The following ARID5A variants were observed in gnomAD, a reference collection of about 807,000 sequenced individuals.
ARID5A encodes AT-rich interaction domain 5A, also known as AT-rich interactive domain-containing protein 5A.
A neutral mutation model predicts 30.5 loss-of-function variants in ARID5A; 14 were observed. The ratio of observed to expected loss-of-function variants is 0.46; its 90% CI spans 0.30 to 0.72. The LOEUF is 0.72. ARID5A is among the 30% of genes least tolerant of loss of function. The pLI, the probability that ARID5A is intolerant of heterozygous loss-of-function variation, is 0.07. For missense variants in ARID5A, 669 were observed against 786.2 expected (o/e 0.85, Z 1.78); for synonymous variants, 338 against 340.4 (o/e 0.99, Z 0.08).
At chr2:96,548,535 G>C (rs535587823) in intron 2 of ARID5A, among the ~76,000 whole-genome samples, 9 of 152,352 alleles carry the variant, frequency 5.9e-5, no homozygotes, top group African/African-American at 2.2e-4. Context: ...CTCCCAAAGT[G>C]CTGGGATTAC....
In ARID5A at chr2:96,537,155, G is replaced by T. The variant is rs1175387523; in HGVS notation, c.4+325G>T. On this transcript the variant is annotated intron_variant, in intron 1 of 6. Transcript: ENST00000357485. The surrounding 1 kb of genome is among the most constrained non-coding windows in gnomAD (Gnocchi z 4.8). The stretch of plus-strand genomic sequence containing the variant: ...CGCCGTCTCTTGCCTGAAATATGCC[G>T]AGCCCGGTACGGCTCTGTCGTCCCA... Among the ~76,000 whole-genome samples, 1 of 152,170 alleles carries T rather than the reference G, an allele frequency of 6.6e-6. No homozygotes were observed. The highest frequency in any genetic ancestry group is 6.5e-5 in the Admixed American group (1 of 15,286).
At position 96,545,162 on chromosome 2, in the gene ARID5A, T is replaced by C. The variant is rs546194008; in HGVS notation, c.5-2240T>C. On this transcript the variant is annotated intron_variant, in intron 1 of 6. Coordinates refer to ENST00000357485, the MANE Select transcript of ARID5A (RefSeq NM_212481.3). ...TTCTTTTCTTTTTCTTTTTCTTTTT[T>C]TTTTTTTTTTTTGAGACAGAGTCTT... 5.4e-5 allele frequency among the ~76,000 whole-genome samples: 8 copies of C among 147,440 alleles called. No homozygotes were observed. The South Asian group carries it at 6.5e-4, about 12-fold the overall frequency.
chr2:96,549,861 C>A lies in ARID5A; in HGVS notation c.312+56C>A. The A allele has an allele frequency of 1.3e-6, 2 of 1,584,680 alleles. No homozygotes were observed. The highest frequency in any genetic ancestry group is 3.4e-5 in the Admixed American group (2 of 58,002). ...ACTGCATATCCCTGGGGTGAGCCTG[C>A]AGCGCTGTCCTTGCCTCTGGACAGA... On this transcript the variant is annotated intron_variant, in intron 4 of 6. Coordinates refer to ENST00000357485, the MANE Select transcript of ARID5A (RefSeq NM_212481.3). The surrounding 1 kb of genome is among the most constrained non-coding windows in gnomAD (Gnocchi z 6.1).
chr2:96,545,157 T>TTTTTC (rs2065907153), intron 1 of ARID5A, among the ~76,000 whole-genome samples: 1 of 50,886 alleles, frequency 2.0e-5, no homozygotes, highest in African/African-American at 7.7e-5. Flanking sequence ...TTTCTTTTTC[T>TTTTTC]TTTTTTTTTT....
intron 1 of ARID5A, among the ~76,000 whole-genome samples, chr2:96,546,257 C>T (rs1225764438): frequency 6.6e-6 from 1 of 152,186 alleles, no homozygotes; most frequent in Non-Finnish European, 1.5e-5. Context: ...TAAGGATGTC[C>T]TGGGAGGGAG....
rs778370882 is a variant in ARID5A at position 96,550,534 on chromosome 2, G to A, written c.411-40G>A. On this transcript the variant is annotated intron_variant, in intron 5 of 6. Transcript: ENST00000357485. This position sits in a 1 kb window ranked among gnomAD's most constrained non-coding sequence, Gnocchi z 6.6. The stretch of plus-strand genomic sequence containing the variant: ...GCTACAGAGGCCCAGGGAGGGGATG[G>A]GCGCCGGCCTCCTGGGGGACATGCG... 61 of 1,551,878 alleles carry A rather than the reference G, an allele frequency of 3.9e-5. No homozygotes were observed. Among genetic ancestry groups the A allele is most frequent in the Non-Finnish European group, 5.1e-5 (59 of 1,147,968 alleles).
At position 96,552,191 on chromosome 2, in the gene ARID5A, C is replaced by A. The variant is rs1236146197; in HGVS notation, c.1663C>A (p.Pro555Thr). The A allele has an allele frequency of 6.2e-7, 1 of 1,613,398 alleles. No homozygotes were observed. Among genetic ancestry groups the A allele is most frequent in the Non-Finnish European group, 8.5e-7 (1 of 1,180,016 alleles). The change falls in exon 7 of 7, where the codon CCC becomes ACC. Residue 555 changes from proline to threonine, a missense_variant. By Grantham distance (38) the Pro-to-Thr change is conservative. Transcript: ENST00000357485. ...CATGGCCGCTGGCCTGATGCACTTC[C>A]CCCCAACGTCCTTCGACAGTGCCCT... is the stretch of plus-strand genomic sequence containing the variant. ...SPMAAGLMHF[P>T]PTSFDSALRH...
intron 1 of ARID5A, among the ~76,000 whole-genome samples, chr2:96,544,293 T>C (rs532836850): frequency 2.0e-5 from 3 of 152,372 alleles, no homozygotes; most frequent in South Asian, 4.1e-4. Flanking sequence ...AGATTTTCCA[T>C]GTAGATGAAA....
At position 96,548,045 on chromosome 2, in the gene ARID5A, G is replaced by C. The variant is rs578089025; in HGVS notation, c.120+528G>C. Among the ~76,000 whole-genome samples, 145 of 152,312 alleles carry C rather than the reference G, an allele frequency of 9.5e-4. 1 individual carries two copies. Among genetic ancestry groups the C allele is most frequent in the East Asian group, 1.7e-3 (9 of 5,182 alleles). On this transcript the variant is annotated intron_variant, in intron 2 of 6. Transcript: ENST00000357485. ...CAGCTTGCCAGGAATTCAGAATAGA[G>C]GCCTGGAGGAGCAGATTGACTTGAG...
chr2:96,550,094 A>T lies in ARID5A; in HGVS notation c.313-94A>T. The T allele has an allele frequency of 6.5e-7, 1 of 1,531,776 alleles. No individual in the cohort carries two copies. The highest frequency in any genetic ancestry group is 8.7e-7 in the Non-Finnish European group (1 of 1,144,794). The allele number at this position is 1,531,776 out of a possible 1,614,324, so 94.9% of individuals were successfully genotyped here. A position where few individuals can be genotyped will look rare whatever the true frequency, so the allele number is the denominator to read the frequency against. On this transcript the variant is annotated intron_variant, in intron 4 of 6. Coordinates refer to ENST00000357485, the MANE Select transcript of ARID5A (RefSeq NM_212481.3). The surrounding 1 kb of genome is among the most constrained non-coding windows in gnomAD (Gnocchi z 6.6). ...AGCCGCAGAGCAGCTGCCAAACTGC[A>T]GTCCTTCGAGTCCCTGCGAGGGCGG...
In ARID5A at chr2:96,551,882, G is replaced by A. The variant is rs2066055393; in HGVS notation, c.1354G>A (p.Ala452Thr). Residue 452 changes from alanine (A) to threonine (T), a missense_variant, in exon 7 of 7, where the codon GCT becomes ACT. Transcript: ENST00000357485. ...CAAGCGCAGCCTGGAGGAAGAGGGT[G>A]CTGCCCACAGTGGGAAGAGACTGCG... The part of the protein sequence containing the change: ...GSKRSLEEEG[A>T]AHSGKRLRAV... 1.3e-6 allele frequency: 2 copies of A among 1,569,490 alleles called. No homozygotes were observed. Among genetic ancestry groups the A allele is most frequent in the Non-Finnish European group, 1.7e-6 (2 of 1,161,968 alleles).
At position 96,552,205 on chromosome 2, in the gene ARID5A, C is replaced by T. The variant is rs377631687; in HGVS notation, c.1677C>T (p.Phe559=). The change falls in exon 7 of 7, where the codon TTC becomes TTT. Residue 559 remains phenylalanine (F), a synonymous_variant. Transcript: ENST00000357485. ...TGATGCACTTCCCCCCAACGTCCTT[C>T]GACAGTGCCCTCCGCCACAGACTTT... is the stretch of plus-strand genomic sequence containing the variant. ...AGLMHFPPTS[F]DSALRHRLCP... 5.6e-6 allele frequency: 9 copies of T among 1,613,502 alleles called. No homozygotes were observed. The East Asian group carries it at 8.9e-5, about 16-fold the overall frequency.
In ARID5A at chr2:96,552,370, T is replaced by G. The variant is rs1573208205; in HGVS notation, c.*57T>G. ...TCGACAGGGGCCTACAACAGGCAGG[T>G]ACTGCTGCCAGGGGGCTCTGAACTA... is the stretch of plus-strand genomic sequence containing the variant. On this transcript the variant is annotated 3_prime_UTR_variant, in exon 7 of 7. Transcript: ENST00000357485. 1.9e-6 allele frequency: 3 copies of G among 1,609,004 alleles called. No individual in the cohort carries two copies. Among genetic ancestry groups the G allele is most frequent in the Non-Finnish European group, 2.5e-6 (3 of 1,178,422 alleles).
In ARID5A at chr2:96,552,411, G is replaced by T. The variant is rs1486760210; in HGVS notation, c.*98G>T. ...CTCTGAACTAGTGCCTGCTACCCAG[G>T]ACACCCGGGCCATGCCCCTGGCTGG... is the stretch of plus-strand genomic sequence containing the variant. On this transcript the variant is annotated 3_prime_UTR_variant, in exon 7 of 7. Transcript: ENST00000357485. 5 of 1,573,688 alleles carry T rather than the reference G, an allele frequency of 3.2e-6. No individual in the cohort carries two copies. The Admixed American group carries it at 9.3e-5, about 29-fold the overall frequency.
At position 96,551,376 on chromosome 2, in the gene ARID5A, G is replaced by A. The variant is rs1338519900; in HGVS notation, c.848G>A (p.Gly283Glu). ...TGCCAGGAGGAGGGCTGCCGCCATG[G>A]GGCAGAGCCCCAGGCGTCCCCAGCT... is the stretch of plus-strand genomic sequence containing the variant. ...LQCQEEGCRH[G>E]AEPQASPAVH... The change falls in exon 7 of 7, where the codon GGG (glycine) becomes GAG (glutamate). Residue 283 changes from glycine (G) to glutamate (E), a missense_variant. This residue lies in a region of ARID5A where 548 missense variants were observed against 577.4 expected (regional missense o/e 0.95). Coordinates refer to ENST00000357485, the MANE Select transcript of ARID5A (RefSeq NM_212481.3). 3 of 1,611,868 alleles carry A rather than the reference G, an allele frequency of 1.9e-6. No individual in the cohort carries two copies. The highest frequency in any genetic ancestry group is 2.5e-6 in the Non-Finnish European group (3 of 1,179,620).
intron 1 of ARID5A, among the ~76,000 whole-genome samples, chr2:96,544,953 A>G (rs2065901298): frequency 6.6e-6 from 1 of 152,142 alleles, no homozygotes; most frequent in African/African-American, 2.4e-5. Flanking sequence ...GAGGGCTTCA[A>G]GACTTCAGTG....
In ARID5A at chr2:96,549,504, C is replaced by T. The variant is rs766847882; in HGVS notation, c.259+45C>T. 1.2e-4 allele frequency: 187 copies of T among 1,597,112 alleles called. No homozygotes were observed. Among genetic ancestry groups the T allele is most frequent in the Non-Finnish European group, 1.6e-4 (182 of 1,170,340 alleles). ...GCAGGGAGGGGGGCCCAGCAGGGGA[C>T]CCCGCCCAGGCAGGGCATCGGGCAG... On this transcript the variant is annotated intron_variant, in intron 3 of 6. Transcript: ENST00000357485. This position sits in a 1 kb window ranked among gnomAD's most constrained non-coding sequence, Gnocchi z 6.1.
At position 96,543,918 on chromosome 2, in the gene ARID5A, T is replaced by C. The variant is rs78045880; in HGVS notation, c.5-3484T>C. On this transcript the variant is annotated intron_variant, in intron 1 of 6. Coordinates refer to ENST00000357485, the MANE Select transcript of ARID5A (RefSeq NM_212481.3). The stretch of plus-strand genomic sequence containing the variant: ...AGTTGTGAATGCCAAGGAAAAGTTA[T>C]TGAAGGAAATCAGAAGTGCTATTCC... 2.5e-4 allele frequency among the ~76,000 whole-genome samples: 38 copies of C among 152,316 alleles called. No individual in the cohort carries two copies. The East Asian group carries it at 7.3e-3, about 29-fold the overall frequency.
rs1330359398 is a variant in ARID5A, at chr2:96,537,931, C to T, written c.4+1101C>T. The T allele has an allele frequency of 8.1e-5, 80 of 985,536 alleles. No individual in the cohort carries two copies. Among genetic ancestry groups the T allele is most frequent in the Non-Finnish European group, 9.0e-5 (75 of 830,010 alleles). The allele number at this position is 985,536 out of a possible 1,614,324, so 61.0% of individuals were successfully genotyped here. A position where few individuals can be genotyped will look rare whatever the true frequency, so the allele number is the denominator to read the frequency against. ...GGGCCCCAGGGGAGGACAACAGGTG[C>T]CTCTTGCCCCACCCGGGCTCCTCTG... On this transcript the variant is annotated intron_variant, in intron 1 of 6. Coordinates refer to ENST00000357485, the MANE Select transcript of ARID5A (RefSeq NM_212481.3). This position sits in a 1 kb window ranked among gnomAD's most constrained non-coding sequence, Gnocchi z 4.8.
Sources: gnomAD v4.1 joint callset for allele counts (sites outside exome capture counted in the v4.1 genomes callset) on GRCh38, gnomAD v4.1.1 for gene constraint, gnomAD v4.1.1 regional missense constraint, Gnocchi (gnomAD v3.1) non-coding constraint, MANE v1.5 for transcripts, NCBI Gene and HGNC (gene_info 2026-07-23, HGNC 2026-07-21) for gene names.